ABLIM1: variants seen among roughly 807,000 people sequenced by gnomAD.
ABLIM1 encodes actin-binding LIM protein 1.
A neutral mutation model predicts 107.0 loss-of-function variants in ABLIM1; 40 were observed. That is an observed-to-expected ratio of 0.37 (90% confidence interval 0.29 to 0.49). The LOEUF is 0.49. ABLIM1 is among the 20% of genes least tolerant of loss of function. The pLI is 0.97. For synonymous variants in ABLIM1, 357 were observed against 357.3 expected, an observed-to-expected ratio of 1.00 and a Z score of 0.01; for missense variants, 857 against 1,008.5, an observed-to-expected ratio of 0.85 and a Z score of 2.04.
exon 1 of ABLIM1, chr10:114,684,456 A>T: frequency 6.5e-7 from 1 of 1,541,798 alleles, no homozygotes. Flanking sequence ...CTCTCCTCCC[A>T]GGAGTCTGTG....
At chr10:114,663,771 T>A (rs2079892184) in intron 1 of ABLIM1, among the ~76,000 whole-genome samples, 1 of 152,164 alleles carries the variant, frequency 6.6e-6, no homozygotes, top group South Asian at 2.1e-4. Flanking sequence ...AGACAGGCTG[T>A]CCTTGCTGGT....
chr10:114,586,899 C>T (rs1016268812), intron 2 of ABLIM1, among the ~76,000 whole-genome samples: 28 of 152,160 alleles, frequency 1.8e-4, no homozygotes, highest in African/African-American at 6.5e-4. Flanking sequence ...AGTTCTTATA[C>T]GTTAGGAATT....
intron 12 of ABLIM1, chr10:114,462,911 T>C: frequency 1.0e-6 from 1 of 994,092 alleles, no homozygotes; most frequent in African/African-American, 1.7e-5. Flanking sequence ...TTGGGTATAG[T>C]CATGACACAC....
At chr10:114,716,168 C>T (rs987574687) in intron 1 of ABLIM1, among the ~76,000 whole-genome samples, 1 of 152,188 alleles carries the variant, frequency 6.6e-6, no homozygotes, top group African/African-American at 2.4e-5. Context: ...TTATATGTCT[C>T]AGACAATGAT....
chr10:114,660,664 T>C (rs897486128), upstream of ABLIM1, among the ~76,000 whole-genome samples: 5 of 152,216 alleles, frequency 3.3e-5, no homozygotes, highest in Admixed American at 2.6e-4. Context: ...AATTCTTTCT[T>C]GCTGGGTTTC....
At chr10:114,749,687 T>C (rs1190943199) in intron 1 of ABLIM1, among the ~76,000 whole-genome samples, 3 of 152,122 alleles carry the variant, frequency 2.0e-5, no homozygotes, top group Non-Finnish European at 2.9e-5. Context: ...AGATAGCACA[T>C]GACTGCTCCC....
At chr10:114,557,553 CATAA>C (rs2068914484) in intron 4 of ABLIM1, among the ~76,000 whole-genome samples, 1 of 151,558 alleles carries the variant, frequency 6.6e-6, no homozygotes, top group South Asian at 2.1e-4. Context: ...TCATAGTTTT[CATAA>C]ATAGAGGCCA....
chr10:114,667,201 G>A lies in ABLIM1; in HGVS notation c.64+17089C>T, dbSNP rs541478495. On this transcript the variant is annotated intron_variant, in intron 1 of 23. Transcript: ENST00000369256. ...TTTGGGTACCGGGGGAAGGTAGCGG[G>A]GTGCAAGATTTTTAGAAGCATTGGA... Among the ~76,000 whole-genome samples, 9 of 152,174 alleles carry A rather than the reference G, an allele frequency of 5.9e-5. No individual in the cohort carries two copies. The East Asian group carries it at 1.5e-3, about 26-fold the overall frequency.
At chr10:114,597,269 G>A (rs1310230105) in intron 2 of ABLIM1, among the ~76,000 whole-genome samples, 2 of 152,202 alleles carry the variant, frequency 1.3e-5, no homozygotes, top group Non-Finnish European at 2.9e-5. Flanking sequence ...AGACGCTAAG[G>A]AAATTCAGAG....
intron 8 of ABLIM1, 119 bp from the exon 9 acceptor site, chr10:114,474,075 T>C: frequency 1.5e-6 from 1 of 683,598 alleles, no homozygotes; most frequent in Middle Eastern, 2.6e-4. Flanking sequence ...CTTATCACCT[T>C]TTTGAATAAG....
At chr10:114,441,652 T>C (rs2060212512) in intron 18 of ABLIM1, 70 bp downstream of exon 18, 1 of 1,407,442 alleles carries the variant, frequency 7.1e-7, no homozygotes, top group Non-Finnish European at 1.0e-6. Flanking sequence ...ATTCAGGCAA[T>C]GTGTCAATAC....
At chr10:114,576,712 G>C (rs1406873335) in intron 2 of ABLIM1, among the ~76,000 whole-genome samples, 3 of 152,096 alleles carry the variant, frequency 2.0e-5, no homozygotes. Context: ...ACAAGCTACG[G>C]AAGACGTTCA....
At chr10:114,542,636 G>A (rs1360043851) in intron 6 of ABLIM1, among the ~76,000 whole-genome samples, 1 of 99,304 alleles carries the variant, frequency 1.0e-5, no homozygotes, top group Non-Finnish European at 2.0e-5. Context: ...GAAGGAGGAG[G>A]AGAAGGAAAT....
In ABLIM1 at chr10:114,545,025, T is replaced by TA; in HGVS notation, c.873dup (p.Ile292TyrfsTer10). The TA allele has an allele frequency of 7.4e-6, 12 of 1,614,122 alleles. No homozygotes were observed. The highest frequency in any genetic ancestry group is 1.0e-5 in the Non-Finnish European group (12 of 1,180,006). ...CTTACCTCCAGGACTTTCCCTGTGATAAACTGGTGACACGCCTCACATTTC... is the reference window on the plus strand; with the variant it reads ...CTTACCTCCAGGACTTTCCCTGTGATAAAACTGGTGACACGCCTCACATTTC... On this transcript the variant is annotated frameshift_variant, in exon 6 of 23. Coordinates refer to ENST00000533213, the MANE Select transcript of ABLIM1 (RefSeq NM_002313.7). LOFTEE classifies it high-confidence loss of function.
At chr10:114,758,213 A>G (rs1308047644) in intron 1 of ABLIM1, among the ~76,000 whole-genome samples, 1 of 152,130 alleles carries the variant, frequency 6.6e-6, no homozygotes, top group African/African-American at 2.4e-5. Flanking sequence ...AGTGGTTGTC[A>G]CACTCCAAAA....
chr10:114,471,059 A>AT (rs1041814134), intron 10 of ABLIM1, among the ~76,000 whole-genome samples: 5 of 151,308 alleles, frequency 3.3e-5, no homozygotes, highest in African/African-American at 7.3e-5. Context: ...TAATTTTTGT[A>AT]TTTTTTTTCT....
At chr10:114,732,368 T>A (rs190308990) in intron 1 of ABLIM1, among the ~76,000 whole-genome samples, 115 of 152,222 alleles carry the variant, frequency 7.6e-4, no homozygotes, top group African/African-American at 2.6e-3. Context: ...TCTATGTCTC[T>A]TTGTAGAAAG....
At chr10:114,757,754 CT>C (rs901697849) in intron 1 of ABLIM1, among the ~76,000 whole-genome samples, 27 of 152,280 alleles carry the variant, frequency 1.8e-4, no homozygotes, top group African/African-American at 5.1e-4. Flanking sequence ...CTGAATGATC[CT>C]TTTAAACTAC....
chr10:114,782,355 G>A, the ABLIM1 span, among the ~76,000 whole-genome samples: 1 of 152,028 alleles, frequency 6.6e-6, no homozygotes, highest in Non-Finnish European at 1.5e-5. Flanking sequence ...AACAGAAAAG[G>A]CAGATTTAAA....
Sources: gnomAD v4.1 joint callset for allele counts (sites outside exome capture counted in the v4.1 genomes callset) on GRCh38, gnomAD v4.1.1 for gene constraint, MANE v1.5 for transcripts, NCBI Gene and HGNC (gene_info 2026-07-23, HGNC 2026-07-21) for gene names.